ZKSCAN5: variants seen among roughly 807,000 people sequenced by gnomAD.
ZKSCAN5 encodes the protein zinc finger protein with KRAB and SCAN domains 5.
In ZKSCAN5, 28 loss-of-function variants were observed where a neutral mutation model predicts 60.0. The observed-to-expected ratio is 0.47, with a 90% CI of 0.35 to 0.64. The LOEUF (loss-of-function observed/expected upper bound fraction) is 0.64, where lower values mean the gene tolerates loss of function less well. ZKSCAN5 is among the 30% of genes least tolerant of loss of function. The pLI, the probability that ZKSCAN5 is intolerant of heterozygous loss-of-function variation, is 0.01. For synonymous variants in ZKSCAN5, 361 were observed against 371.2 expected (o/e 0.97, Z 0.31); for missense variants, 881 against 1,034.6 (o/e 0.85, Z 2.04).
chr7:99,520,804 A>G (rs1474324497), intron 5 of ZKSCAN5, among the ~76,000 whole-genome samples: 1 of 152,188 alleles, frequency 6.6e-6, no homozygotes, highest in Non-Finnish European at 1.5e-5. Context: ...GTTCAAGACC[A>G]GCCTGGCCAA....
chr7:99,507,260 G>C (rs1800778405), intron 2 of ZKSCAN5, among the ~76,000 whole-genome samples: 1 of 151,976 alleles, frequency 6.6e-6, no homozygotes, highest in Non-Finnish European at 1.5e-5. Flanking sequence ...TGCCATTGCA[G>C]CTATCTCACT....
Position 99,531,518 on chromosome 7 carries a change from C to T in ZKSCAN5, c.1789C>T (p.Arg597Cys), listed in dbSNP as rs972271154. ...ACGCGTGCACCTAACTCAGCATCAG[C>T]GCGTCCACACAGGTGAGAAGCCCTA... ...NQRVHLTQHQ[R>C]VHTGEKPYTC... Residue 597 changes from arginine to cysteine, a missense_variant, in exon 7 of 7, where the codon CGC (arginine) becomes TGC (cysteine). Around this residue, in one of 5 missense-constraint regions of ZKSCAN5, gnomAD observed 112 missense variants for 182.4 expected, o/e 0.61. Transcript: ENST00000326775. 7.4e-6 allele frequency: 12 copies of T among 1,614,020 alleles called. No homozygotes were observed. Among genetic ancestry groups the T allele is most frequent in the African/African-American group, 2.7e-5 (2 of 74,894 alleles).
At position 99,532,204 on chromosome 7, in the gene ZKSCAN5, G is replaced by A. The variant is rs749634009; in HGVS notation, c.2475G>A (p.Arg825=). The change falls in exon 7 of 7, where the codon AGG becomes AGA. Residue 825 remains arginine (R), a synonymous_variant. Transcript: ENST00000326775. ...SLFKHLRSHE[R]TDPINTLSVE... ...TTAAACACCTGAGAAGCCATGAGAGGACAGATCCCATAAATACCTTAAGTG... is the reference window on the plus strand; with the variant it reads ...TTAAACACCTGAGAAGCCATGAGAGAACAGATCCCATAAATACCTTAAGTG... 2 of 1,608,990 alleles carry A rather than the reference G, an allele frequency of 1.2e-6. No individual in the cohort carries two copies. Among genetic ancestry groups the A allele is most frequent in the Non-Finnish European group, 1.7e-6 (2 of 1,178,560 alleles).
At chr7:99,520,958 A>T (rs897359806) in intron 5 of ZKSCAN5, among the ~76,000 whole-genome samples, 2 of 152,126 alleles carry the variant, frequency 1.3e-5, no homozygotes, top group African/African-American at 2.4e-5. Context: ...TGGCACCTAC[A>T]TTTTACCTGT....
chr7:99,523,802 T>TA (rs1366745516), intron 5 of ZKSCAN5, among the ~76,000 whole-genome samples: 1 of 152,162 alleles, frequency 6.6e-6, no homozygotes, highest in Non-Finnish European at 1.5e-5. Flanking sequence ...TTTAGGAAGG[T>TA]AAGTAAAAGT....
intron 2 of ZKSCAN5, among the ~76,000 whole-genome samples, chr7:99,508,789 AT>A (rs1308368742): frequency 2.7e-5 from 4 of 147,346 alleles, no homozygotes; most frequent in Non-Finnish European, 6.0e-5. Flanking sequence ...TTTCTGTGAA[AT>A]TTTTCTTTCT....
At position 99,512,493 on chromosome 7, in the gene ZKSCAN5, C is replaced by T; in HGVS notation, c.455C>T (p.Thr152Ile). 4 of 1,613,930 alleles carry T rather than the reference C, an allele frequency of 2.5e-6. No individual in the cohort carries two copies. Among genetic ancestry groups the T allele is most frequent in the Non-Finnish European group, 3.4e-6 (4 of 1,179,896 alleles). ...CPDVLPRKMA[T>I]PGAVQESCSP... ...GATGTGCTTCCTCGGAAGATGGCAA[C>T]ACCTGGAGCAGTGCAGGAGTCCTGC... The change falls in exon 3 of 7, where the codon ACA (threonine) becomes ATA (isoleucine). Residue 152 changes from threonine to isoleucine, a missense_variant. Physicochemically the swap from Thr to Ile is moderately conservative, Grantham distance 89. This residue lies in a region of ZKSCAN5 where 490 missense variants were observed against 554.5 expected (regional missense o/e 0.88). Transcript: ENST00000326775.
In ZKSCAN5 at chr7:99,531,735, T is replaced by C. The variant is rs368563957; in HGVS notation, c.2006T>C (p.Ile669Thr). The C allele has an allele frequency of 1.2e-6, 2 of 1,613,962 alleles. No individual in the cohort carries two copies. Among genetic ancestry groups the C allele is most frequent in the African/African-American group, 2.7e-5 (2 of 74,868 alleles). The change falls in exon 7 of 7, where the codon ATC becomes ACC. Residue 669 changes from isoleucine (I) to threonine (T), a missense_variant. Around this residue, in one of 5 missense-constraint regions of ZKSCAN5, gnomAD observed 112 missense variants for 182.4 expected, o/e 0.61. Transcript: ENST00000326775. ...CATCAGTGTCGTGAATGTGGGGAAATCTTTTTTCAGTACGTTAGCCTAATT... is the reference window on the plus strand; with the variant it reads ...CATCAGTGTCGTGAATGTGGGGAAACCTTTTTTCAGTACGTTAGCCTAATT... ...KSHQCRECGE[I>T]FFQYVSLIEH...
intron 2 of ZKSCAN5, 143 bp downstream of exon 2, chr7:99,506,601 C>T: frequency 1.0e-6 from 1 of 963,142 alleles, no homozygotes; most frequent in Non-Finnish European, 1.5e-6. Context: ...TCCTGCCACT[C>T]CAGCAAAGAG....
At position 99,526,088 on chromosome 7, in the gene ZKSCAN5, G is replaced by T. The variant is rs762191526; in HGVS notation, c.1048G>T (p.Asp350Tyr). The change falls in exon 6 of 7, where the codon GAT (aspartate) becomes TAT (tyrosine). Residue 350 changes from aspartate to tyrosine, a missense_variant. Coordinates refer to ENST00000326775, the MANE Select transcript of ZKSCAN5 (RefSeq NM_145102.4). Reference protein sequence around the residue: ...THGERGHRCSDCGKFFLQASN... With the variant: ...THGERGHRCSYCGKFFLQASN... The stretch of plus-strand genomic sequence containing the variant: ...TGGCGAGAGAGGGCACAGATGCAGC[G>T]ATTGTGGCAAATTCTTCCTCCAAGC... 6.2e-7 allele frequency: 1 copy of T among 1,614,172 alleles called. No homozygotes were observed. The highest frequency in any genetic ancestry group is 1.1e-5 in the South Asian group (1 of 91,076).
At chr7:99,517,156 C>G (rs1801301502) in intron 3 of ZKSCAN5, among the ~76,000 whole-genome samples, 1 of 152,268 alleles carries the variant, frequency 6.6e-6, no homozygotes, top group South Asian at 2.1e-4. Context: ...ACCTCTGCCT[C>G]CCAGGTTCAA....
At chr7:99,521,116 T>C (rs1801520832) in intron 5 of ZKSCAN5, among the ~76,000 whole-genome samples, 1 of 152,180 alleles carries the variant, frequency 6.6e-6, no homozygotes, top group Non-Finnish European at 1.5e-5. Flanking sequence ...CTTTTTTTAG[T>C]AAATTCTTTT....
intron 3 of ZKSCAN5, among the ~76,000 whole-genome samples, chr7:99,518,530 A>G (rs895053089): frequency 1.3e-5 from 2 of 152,048 alleles, no homozygotes; most frequent in African/African-American, 4.8e-5. Flanking sequence ...AAGATCCCCT[A>G]GGGGATGTAG....
chr7:99,520,577 A>T (rs187390687), intron 5 of ZKSCAN5, among the ~76,000 whole-genome samples: 1 of 152,228 alleles, frequency 6.6e-6, no homozygotes, highest in Admixed American at 6.6e-5. Context: ...TTACTGCTTT[A>T]AAATAAGAGT....
At chr7:99,524,814 G>A (rs11976018) in intron 5 of ZKSCAN5, among the ~76,000 whole-genome samples, 56,119 of 152,010 alleles carry the variant, frequency 0.37, 16,671 homozygotes, top group African/African-American at 0.82. Context: ...TGAATTCACA[G>A]GAAGAGGAAG....
Position 99,525,906 on chromosome 7 carries a change from G to T in ZKSCAN5, c.866G>T (p.Ser289Ile). 1 of 1,614,086 alleles carries T rather than the reference G, an allele frequency of 6.2e-7. No individual in the cohort carries two copies. Among genetic ancestry groups the T allele is most frequent in the East Asian group, 2.2e-5 (1 of 44,858 alleles). The change falls in exon 6 of 7, where the codon AGC becomes ATC. Residue 289 changes from serine to isoleucine, a missense_variant. Ser to Ile is a moderately radical substitution (Grantham distance 142, BLOSUM62 -2). Around this residue, in one of 5 missense-constraint regions of ZKSCAN5, gnomAD observed 490 missense variants for 554.5 expected, o/e 0.88. Coordinates refer to ENST00000326775, the MANE Select transcript of ZKSCAN5 (RefSeq NM_145102.4). ...GTGGCGCCAGAACACACCGAAAGGA[G>T]CGTTCCTCAGGATCCAGACTTTGCA... ...HWVAPEHTER[S>I]VPQDPDFAEV...
intron 1 of ZKSCAN5, chr7:99,505,207 G>C (rs1300699259): frequency 1.3e-5 from 2 of 152,172 alleles, no homozygotes; most frequent in Non-Finnish European, 2.9e-5. Context: ...GTGCTTTCGG[G>C]GGGGGGTGGG....
chr7:99,506,471 G>A lies in ZKSCAN5; in HGVS notation c.414+13G>A, dbSNP rs766778926. On this transcript the variant is annotated intron_variant, in intron 2 of 6. Coordinates refer to ENST00000326775, the MANE Select transcript of ZKSCAN5 (RefSeq NM_145102.4). The stretch of plus-strand genomic sequence containing the variant: ...ACGCAGACAGCAGGTGAGTCAAAGA[G>A]AAGCTATATGAGCAATGAAGGAGAG... 5 of 1,597,070 alleles carry A rather than the reference G, an allele frequency of 3.1e-6. No homozygotes were observed. The East Asian group carries it at 8.9e-5, about 29-fold the overall frequency.
chr7:99,520,372 G>A, intron 5 of ZKSCAN5, 68 bp downstream of exon 5: 3 of 1,487,140 alleles, frequency 2.0e-6, no homozygotes, highest in South Asian at 1.4e-5. Context: ...AGTATTTCTG[G>A]CTCATCTTAT....
Sources: gnomAD v4.1 joint callset for allele counts (sites outside exome capture counted in the v4.1 genomes callset) on GRCh38, gnomAD v4.1.1 for gene constraint, gnomAD v4.1.1 regional missense constraint, MANE v1.5 for transcripts, NCBI Gene and HGNC (gene_info 2026-07-23, HGNC 2026-07-21) for gene names.